MTHFD1L: variants seen among roughly 807,000 people sequenced by gnomAD.
MTHFD1L encodes monofunctional C1-tetrahydrofolate synthase, mitochondrial.
MTHFD1L carries 81 observed loss-of-function variants against 119.5 expected under a neutral mutation model. The ratio of observed to expected loss-of-function variants is 0.68; its 90% confidence interval spans 0.57 to 0.82. The LOEUF is 0.82. Ranked by LOEUF, MTHFD1L falls within the 40% of genes least tolerant of loss-of-function variation. The probability of loss-of-function intolerance (pLI) is 0.00; values close to 1 mark genes in which losing one functional copy is unlikely to be tolerated. For synonymous variants in MTHFD1L, 430 were observed against 475.2 expected (o/e 0.90, Z 1.24); for missense variants, 1,125 against 1,253.4 (o/e 0.90, Z 1.55).
intron 8 of MTHFD1L, among the ~76,000 whole-genome samples, chr6:150,906,896 A>G (rs1457838210): frequency 1.3e-5 from 2 of 152,202 alleles, no homozygotes; most frequent in African/African-American, 4.8e-5. Flanking sequence ...ACAGAGTCCA[A>G]GGAAAGAGGC....
Position 151,072,952 on chromosome 6 carries a change from A to G in MTHFD1L, c.2848-19515A>G, listed in dbSNP as rs144471061. 1.1e-4 allele frequency among the ~76,000 whole-genome samples: 16 copies of G among 152,226 alleles called. No individual in the cohort carries two copies. In the East Asian group the frequency reaches 2.1e-3, roughly 20 times the overall value. On this transcript the variant is annotated intron_variant, in intron 26 of 27. Transcript: ENST00000367321. The stretch of plus-strand genomic sequence containing the variant: ...ACAAGTAAAAAACTGGACAAAGTAT[A>G]TGAAAAATACATCACTCAGGGCATT...
chr6:151,071,512 G>A (rs1791943735), intron 26 of MTHFD1L, among the ~76,000 whole-genome samples: 1 of 152,064 alleles, frequency 6.6e-6, no homozygotes, highest in South Asian at 2.1e-4. Flanking sequence ...ATCATAGGAA[G>A]CTTTCATTCA....
intron 16 of MTHFD1L, among the ~76,000 whole-genome samples, chr6:150,950,139 G>A (rs1053855032): frequency 6.6e-6 from 1 of 152,132 alleles, no homozygotes; most frequent in African/African-American, 2.4e-5. Context: ...GAGATATCCC[G>A]TTGTGATCAG....
chr6:151,063,042 A>C (rs1042842061), intron 26 of MTHFD1L, among the ~76,000 whole-genome samples: 1 of 152,168 alleles, frequency 6.6e-6, no homozygotes. Flanking sequence ...ATAAAAAAAA[A>C]AATTAAAGAA....
intron 26 of MTHFD1L, among the ~76,000 whole-genome samples, chr6:151,048,475 G>A (rs1788456142): frequency 6.6e-6 from 1 of 152,092 alleles, no homozygotes; most frequent in Non-Finnish European, 1.5e-5. Context: ...CATACCCTAG[G>A]AGCCAACTAA....
chr6:151,022,201 T>C (rs1784037294), intron 24 of MTHFD1L: 1 of 337,976 alleles, frequency 3.0e-6, no homozygotes, highest in South Asian at 2.3e-5. Context: ...TGTTTGTTGT[T>C]ATTGTTGTTG....
chr6:150,869,407 T>G (rs974373611), intron 1 of MTHFD1L, among the ~76,000 whole-genome samples: 1 of 152,166 alleles, frequency 6.6e-6, no homozygotes, highest in Admixed American at 6.5e-5. Flanking sequence ...AACTCCCACT[T>G]ATGAGTGAGA....
At chr6:150,959,134 A>G in intron 17 of MTHFD1L, 3 of 926,522 alleles carry the variant, frequency 3.2e-6, no homozygotes, top group Non-Finnish European at 3.9e-6. Flanking sequence ...TAATAATTGA[A>G]TATAGTTGTA....
At chr6:151,077,873 A>C (rs940889193) in intron 26 of MTHFD1L, among the ~76,000 whole-genome samples, 1 of 151,620 alleles carries the variant, frequency 6.6e-6, no homozygotes, top group Non-Finnish European at 1.5e-5. Context: ...ACCACGGTGA[A>C]ACCCTGTCTC....
At chr6:150,871,467 C>CCAAG (rs2128724697) in intron 1 of MTHFD1L, among the ~76,000 whole-genome samples, 1 of 149,408 alleles carries the variant, frequency 6.7e-6, no homozygotes, top group Admixed American at 6.7e-5. Context: ...AACTGCTTTA[C>CCAAG]CAAGTACTTG....
chr6:150,996,399 G>C (rs1179590522), intron 20 of MTHFD1L, among the ~76,000 whole-genome samples: 1 of 151,960 alleles, frequency 6.6e-6, no homozygotes, highest in Non-Finnish European at 1.5e-5. Flanking sequence ...GGTCTCCTGG[G>C]CTCAAGTGAT....
In MTHFD1L at chr6:150,918,589, G is replaced by A; in HGVS notation, c.905G>A (p.Cys302Tyr). ...CAATTTTTTACAGGGAAGGTTGGGTGTGGCTCTCCAAGAATACATTTTGGT... is the reference window on the plus strand; with the variant it reads ...CAATTTTTTACAGGGAAGGTTGGGTATGGCTCTCCAAGAATACATTTTGGT... ...SHDFLSGKVG[C>Y]GSPRIHFGGL... is the part of the protein sequence containing the mutation. The change falls in exon 9 of 28, where the codon TGT becomes TAT. Residue 302 changes from cysteine to tyrosine, a missense_variant. Coordinates refer to ENST00000367321, the MANE Select transcript of MTHFD1L (RefSeq NM_015440.5). 1 of 1,613,702 alleles carries A rather than the reference G, an allele frequency of 6.2e-7. No homozygotes were observed. Among genetic ancestry groups the A allele is most frequent in the Non-Finnish European group, 8.5e-7 (1 of 1,179,600 alleles).
chr6:150,906,208 C>T (rs1417786243), intron 8 of MTHFD1L, among the ~76,000 whole-genome samples: 1 of 152,224 alleles, frequency 6.6e-6, no homozygotes, highest in Non-Finnish European at 1.5e-5. Flanking sequence ...TTTCCTCTTG[C>T]ATTGACCCAT....
At chr6:151,065,035 C>T (rs570979541) in intron 26 of MTHFD1L, among the ~76,000 whole-genome samples, 1 of 152,200 alleles carries the variant, frequency 6.6e-6, no homozygotes, top group South Asian at 2.1e-4. Flanking sequence ...AACCCTTGAC[C>T]TCAGGTGATC....
intron 1 of MTHFD1L, 80 bp from the exon 2 acceptor site, chr6:150,876,010 C>A: frequency 8.7e-7 from 1 of 1,149,754 alleles, no homozygotes; most frequent in Non-Finnish European, 1.3e-6. Flanking sequence ...GAGGAAGGAA[C>A]TTTCACAGAA....
intron 17 of MTHFD1L, among the ~76,000 whole-genome samples, chr6:150,957,293 A>G (rs867069312): frequency 2.0e-5 from 3 of 152,350 alleles, no homozygotes; most frequent in Middle Eastern, 6.8e-3. Flanking sequence ...AAAGATGTTC[A>G]TGAATAATCA....
At chr6:150,911,161 T>TA (rs969140504) in intron 8 of MTHFD1L, among the ~76,000 whole-genome samples, 11 of 152,142 alleles carry the variant, frequency 7.2e-5, no homozygotes, top group Non-Finnish European at 1.0e-4. Flanking sequence ...TTGCTTTTTT[T>TA]AAAAAAAGTA....
At chr6:150,934,396 AC>A (rs1791695716) in intron 11 of MTHFD1L, among the ~76,000 whole-genome samples, 1 of 152,130 alleles carries the variant, frequency 6.6e-6, no homozygotes. Context: ...TTTTCCATGT[AC>A]CCTCATAATT....
intron 24 of MTHFD1L, among the ~76,000 whole-genome samples, chr6:151,028,239 G>A (rs1364988833): frequency 1.3e-5 from 2 of 152,256 alleles, no homozygotes; most frequent in South Asian, 4.1e-4. Flanking sequence ...CAGTCAGCCC[G>A]GCACCTCCTT....
Sources: allele counts gnomAD v4.1 joint callset (sites outside exome capture counted in the v4.1 genomes callset), GRCh38; gene constraint gnomAD v4.1.1; transcripts MANE v1.5; gene names NCBI Gene and HGNC (gene_info 2026-07-23, HGNC 2026-07-21).